The following STXBP6 variants were observed in gnomAD, a reference collection of about 807,000 sequenced individuals.
STXBP6 encodes the protein syntaxin binding protein 6.
In STXBP6, 21 loss-of-function variants were observed where a neutral mutation model predicts 26.9. The ratio of observed to expected loss-of-function variants is 0.78; its 90% CI spans 0.55 to 1.12. The LOEUF is 1.12. Ranked by LOEUF, STXBP6 falls within the 50% of genes most tolerant of loss-of-function variation. The pLI, the probability that STXBP6 is intolerant of heterozygous loss-of-function variation, is 0.00. For missense variants in STXBP6, 232 were observed against 257.9 expected (o/e 0.90, Z 0.69); for synonymous variants, 97 against 92.6 (o/e 1.05, Z -0.27).
intron 2 of STXBP6, among the ~76,000 whole-genome samples, chr14:24,968,514 T>C (rs1175524637): frequency 6.6e-6 from 1 of 152,128 alleles, no homozygotes; most frequent in Non-Finnish European, 1.5e-5. Context: ...TCACTGACAA[T>C]TAAATTTGGT....
At chr14:24,920,162 C>G (rs916935992) in intron 2 of STXBP6, among the ~76,000 whole-genome samples, 1 of 151,964 alleles carries the variant, frequency 6.6e-6, no homozygotes, top group African/African-American at 2.4e-5. Flanking sequence ...TGTACTTGCT[C>G]CTGGTACACA....
intron 1 of STXBP6, among the ~76,000 whole-genome samples, chr14:25,013,629 G>C (rs1402183387): frequency 6.6e-6 from 1 of 151,910 alleles, no homozygotes; most frequent in African/African-American, 2.4e-5. Context: ...AAATACAGAG[G>C]CTAGAGGAAT....
intron 2 of STXBP6, among the ~76,000 whole-genome samples, chr14:24,898,470 A>C (rs528619270): frequency 2.2e-4 from 34 of 152,306 alleles, no homozygotes; most frequent in African/African-American, 8.2e-4. Context: ...CGAGGTCAGG[A>C]GTTCGAGACC....
intron 1 of STXBP6, among the ~76,000 whole-genome samples, chr14:24,996,680 C>T (rs995298047): frequency 2.6e-5 from 4 of 151,510 alleles, no homozygotes; most frequent in African/African-American, 9.7e-5. Flanking sequence ...GGAGAAACCC[C>T]GTCTCTACTA....
chr14:24,871,461 T>C (rs946876479), intron 2 of STXBP6, among the ~76,000 whole-genome samples: 1 of 152,176 alleles, frequency 6.6e-6, no homozygotes, highest in Non-Finnish European at 1.5e-5. Context: ...CTTGAATAAC[T>C]CCCATGGAGA....
chr14:25,024,195 G>A (rs1169961989), intron 1 of STXBP6, among the ~76,000 whole-genome samples: 7 of 152,098 alleles, frequency 4.6e-5, no homozygotes, highest in Admixed American at 4.6e-4. Context: ...TGTAGTCCCA[G>A]CTACTCAGGA....
At chr14:24,841,794 T>G (rs2068792472) in intron 4 of STXBP6, among the ~76,000 whole-genome samples, 1 of 152,240 alleles carries the variant, frequency 6.6e-6, no homozygotes, top group African/African-American at 2.4e-5. Context: ...TTATAACATC[T>G]TAACGTTTTT....
At chr14:25,039,482 C>A (rs1566580079) in intron 1 of STXBP6, among the ~76,000 whole-genome samples, 1 of 152,166 alleles carries the variant, frequency 6.6e-6, no homozygotes, top group African/African-American at 2.4e-5. Flanking sequence ...ATTGCAGTTT[C>A]TTGGTGCATA....
chr14:24,839,308 G>T (rs920997217), intron 4 of STXBP6, among the ~76,000 whole-genome samples: 3 of 152,052 alleles, frequency 2.0e-5, no homozygotes, highest in Non-Finnish European at 2.9e-5. Context: ...TTGCTCTGGG[G>T]TTGTAACTAG....
Position 25,050,106 on chromosome 14 carries a change from G to T in STXBP6, c.-261C>A. 6.4e-6 allele frequency: 1 copy of T among 155,926 alleles called. No homozygotes were observed. The highest frequency in any genetic ancestry group is 3.4e-3 in the Middle Eastern group (1 of 294). The allele number at this position is 155,926 out of a possible 1,614,324, so 9.7% of individuals were successfully genotyped here. A position where few individuals can be genotyped will look rare whatever the true frequency, so the allele number is the denominator to read the frequency against. On this transcript the variant is annotated 5_prime_UTR_variant, in exon 1 of 6. Transcript: ENST00000323944. ...CCCGGCAACTCCAACTCCGGGCGCT[G>T]GAGCTCCAGCTGCAGCCGCGCGCCC...
chr14:24,909,175 G>GA (rs2071483100), intron 2 of STXBP6, among the ~76,000 whole-genome samples: 1 of 152,190 alleles, frequency 6.6e-6, no homozygotes, highest in Non-Finnish European at 1.5e-5. Context: ...AACATCTATA[G>GA]AATCAAAGGT....
chr14:24,818,805 G>A (rs749595), intron 5 of STXBP6, among the ~76,000 whole-genome samples: 27,631 of 152,126 alleles, frequency 0.18, 4,114 homozygotes, highest in African/African-American at 0.41. Flanking sequence ...AAGATCCAAG[G>A]TCAGAAGGTC....
intron 1 of STXBP6, among the ~76,000 whole-genome samples, chr14:25,035,599 G>A (rs2075536739): frequency 6.6e-6 from 1 of 151,992 alleles, no homozygotes; most frequent in Admixed American, 6.6e-5. Flanking sequence ...AGTGACACCT[G>A]GAATTCTTTA....
chr14:24,823,843 C>T (rs2068209263), intron 4 of STXBP6, among the ~76,000 whole-genome samples: 1 of 152,152 alleles, frequency 6.6e-6, no homozygotes, highest in Admixed American at 6.5e-5. Flanking sequence ...TTCTAACAAA[C>T]ACAAAAATTG....
At chr14:24,841,916 T>C (rs1370095119) in intron 4 of STXBP6, among the ~76,000 whole-genome samples, 1 of 152,248 alleles carries the variant, frequency 6.6e-6, no homozygotes, top group Admixed American at 6.5e-5. Flanking sequence ...TTTGTTATTT[T>C]TGTTGGCTTT....
Position 24,855,884 on chromosome 14 carries a change from A to C in STXBP6, c.451+52T>G, listed in dbSNP as rs1021895317. ...TGCTGAACTCCTAACTTCTTAAGTA[A>C]AAGTGAGTCTAAAGAAACAGGATGA... On this transcript the variant is annotated intron_variant, in intron 4 of 5. Coordinates refer to ENST00000323944, the MANE Select transcript of STXBP6 (RefSeq NM_001394410.1). 8 of 1,522,298 alleles carry C rather than the reference A, an allele frequency of 5.3e-6. No homozygotes were observed. In the African/African-American group the frequency reaches 9.7e-5, roughly 19 times the overall value. 94.3% of individuals were successfully genotyped at this position (1,522,298 alleles called of 1,614,324 possible). A position where few individuals can be genotyped will look rare whatever the true frequency, so the allele number is the denominator to read the frequency against.
At chr14:24,826,665 TTGAC>T (rs1230222551) in intron 4 of STXBP6, among the ~76,000 whole-genome samples, 1 of 152,158 alleles carries the variant, frequency 6.6e-6, no homozygotes, top group African/African-American at 2.4e-5. Flanking sequence ...GGACCACAAA[TTGAC>T]TGACTACTTC....
intron 2 of STXBP6, among the ~76,000 whole-genome samples, chr14:24,959,907 G>A (rs1442571163): frequency 6.6e-6 from 1 of 152,170 alleles, no homozygotes. Flanking sequence ...AAACAAACCA[G>A]GCCTGACCTC....
At chr14:24,893,069 C>A (rs998593836) in intron 2 of STXBP6, among the ~76,000 whole-genome samples, 5 of 152,182 alleles carry the variant, frequency 3.3e-5, no homozygotes, top group Admixed American at 1.3e-4. Flanking sequence ...GTGCACACAA[C>A]CTGACCACTG....
Sources: allele counts gnomAD v4.1 joint callset (sites outside exome capture counted in the v4.1 genomes callset), GRCh38; gene constraint gnomAD v4.1.1; transcripts MANE v1.5; gene names NCBI Gene and HGNC (gene_info 2026-07-23, HGNC 2026-07-21).